ANKRD11: variants seen among roughly 807,000 people sequenced by gnomAD.
ANKRD11 encodes ankyrin repeat domain 11.
A neutral mutation model predicts 195.7 loss-of-function variants in ANKRD11; 17 were observed. The ratio of observed to expected loss-of-function variants is 0.09; its 90% CI spans 0.06 to 0.13. The LOEUF is 0.13. ANKRD11 is among the 10% of genes least tolerant of loss of function. The pLI is 1.00. For synonymous variants in ANKRD11, 1,953 were observed against 1,528.1 expected, an observed-to-expected ratio of 1.28 and a Z score of -6.49; for missense variants, 3,735 against 3,566.1, an observed-to-expected ratio of 1.05 and a Z score of -1.21.
intron 6 of ANKRD11, 48 bp from the exon 7 acceptor site, chr16:89,288,718 C>G: frequency 6.2e-7 from 1 of 1,613,322 alleles, no homozygotes; most frequent in South Asian, 1.1e-5. Context: ...TCAGAACTTC[C>G]CTCCTGTCTC....
chr16:89,384,036 A>G (rs1306995682), intron 2 of ANKRD11, among the ~76,000 whole-genome samples: 1 of 152,180 alleles, frequency 6.6e-6, no homozygotes, highest in Non-Finnish European at 1.5e-5. Context: ...CCTGGCCAAC[A>G]TGGCAAAACC....
chr16:89,421,899 AG>A (rs776711266), intron 1 of ANKRD11, among the ~76,000 whole-genome samples: 3 of 152,190 alleles, frequency 2.0e-5, no homozygotes, highest in Non-Finnish European at 4.4e-5. Flanking sequence ...AACAACAGGG[AG>A]TTGCTTCTAC....
chr16:89,401,003 G>A (rs1052045413), intron 2 of ANKRD11, among the ~76,000 whole-genome samples: 3 of 152,186 alleles, frequency 2.0e-5, no homozygotes, highest in African/African-American at 7.2e-5. Context: ...GACCAAGATG[G>A]AAAGGGAGGC....
chr16:89,345,848 A>C (rs1262847656), intron 2 of ANKRD11, among the ~76,000 whole-genome samples: 3 of 152,154 alleles, frequency 2.0e-5, no homozygotes, highest in African/African-American at 7.2e-5. Context: ...GCATTCCAGG[A>C]GGTAAGGTGA....
At chr16:89,329,785 G>C (rs2037948744) in intron 2 of ANKRD11, among the ~76,000 whole-genome samples, 1 of 152,164 alleles carries the variant, frequency 6.6e-6, no homozygotes, top group African/African-American at 2.4e-5. Flanking sequence ...CAGGCAGGCA[G>C]ATCACTTGAG....
intron 2 of ANKRD11, among the ~76,000 whole-genome samples, chr16:89,354,159 A>G (rs2039355088): frequency 6.6e-6 from 1 of 152,098 alleles, no homozygotes; most frequent in Non-Finnish European, 1.5e-5. Context: ...CAGATGGAGG[A>G]AAGTATACCT....
chr16:89,351,978 G>A lies in ANKRD11; in HGVS notation c.-59-34900C>T, dbSNP rs911268356. Among the ~76,000 whole-genome samples the A allele has an allele frequency of 3.3e-5, 5 of 152,240 alleles. No individual in the cohort carries two copies. The East Asian group carries it at 5.8e-4, about 18-fold the overall frequency. ...CAGGATGGAGTGCAGTGGTGCGATC[G>A]TGGCTCACTGCAATCTCTGCCTCCC... On this transcript the variant is annotated intron_variant, in intron 2 of 12. Coordinates refer to ENST00000301030, the MANE Select transcript of ANKRD11 (RefSeq NM_013275.6).
At chr16:89,414,030 G>C (rs1021250426) in intron 2 of ANKRD11, among the ~76,000 whole-genome samples, 3 of 149,370 alleles carry the variant, frequency 2.0e-5, no homozygotes, top group African/African-American at 7.4e-5. Context: ...CCACGGGCCT[G>C]CACACCCTCC....
Position 89,397,542 on chromosome 16 carries a change from G to A in ANKRD11, c.-60+20742C>T, listed in dbSNP as rs535106406. Among the ~76,000 whole-genome samples, 42 of 152,354 alleles carry A rather than the reference G, an allele frequency of 2.8e-4. No homozygotes were observed. In the South Asian group the frequency reaches 7.0e-3, roughly 26 times the overall value. ...CTGTGCAGTCGTCCCTGACGGGGAA[G>A]GGTTGAGCCCAGCCAAGTGGATCCC... On this transcript the variant is annotated intron_variant, in intron 2 of 12. Transcript: ENST00000301030.
chr16:89,334,201 C>T (rs1268148783), intron 2 of ANKRD11, among the ~76,000 whole-genome samples: 5 of 106,288 alleles, frequency 4.7e-5, no homozygotes, highest in Non-Finnish European at 9.7e-5. Context: ...AAAGAAAAAA[C>T]ACTGTTCCCA....
At chr16:89,364,387 C>T (rs1050389650) in intron 2 of ANKRD11, among the ~76,000 whole-genome samples, 12 of 152,168 alleles carry the variant, frequency 7.9e-5, no homozygotes, top group African/African-American at 2.9e-4. Flanking sequence ...TGTCTTACAC[C>T]GCAATAGGTA....
chr16:89,281,762 T>C lies in ANKRD11; in HGVS notation c.4780A>G (p.Ile1594Val). ...ERMLSQKDLE[I>V]EERHKRHKER... ...TTGTGCCGCTTGTGGCGCTCCTCGATCTCCAGGTCCTTCTGGGACAGCATC... is the reference window on the plus strand; with the variant it reads ...TTGTGCCGCTTGTGGCGCTCCTCGACCTCCAGGTCCTTCTGGGACAGCATC... Residue 1594 changes from isoleucine (I) to valine (V), a missense_variant, in exon 9 of 13, where the codon ATC (isoleucine) becomes GTC (valine). Physicochemically the swap from Ile to Val is conservative, Grantham distance 29. Transcript: ENST00000301030. This position sits in a 1 kb window ranked among gnomAD's most constrained non-coding sequence, Gnocchi z 5.5. The C allele has an allele frequency of 1.2e-6, 2 of 1,614,076 alleles. No homozygotes were observed. The highest frequency in any genetic ancestry group is 1.7e-6 in the Non-Finnish European group (2 of 1,180,020).
chr16:89,307,338 A>C (rs2036345526), intron 3 of ANKRD11, among the ~76,000 whole-genome samples: 1 of 152,174 alleles, frequency 6.6e-6, no homozygotes, highest in South Asian at 2.1e-4. Flanking sequence ...TGCATCCACC[A>C]AACGTGCATC....
chr16:89,461,925 C>G (rs2056683099), intron 1 of ANKRD11, among the ~76,000 whole-genome samples: 1 of 152,166 alleles, frequency 6.6e-6, no homozygotes, highest in South Asian at 2.1e-4. Context: ...TTTTGGAAAC[C>G]TGCAGAGCAT....
At chr16:89,398,654 A>C (rs1017948402) in intron 2 of ANKRD11, among the ~76,000 whole-genome samples, 95 of 152,262 alleles carry the variant, frequency 6.2e-4, no homozygotes, top group African/African-American at 2.2e-3. Flanking sequence ...AGGCAGGAGG[A>C]AGGTTTGAGC....
chr16:89,395,257 G>A (rs1477185158), intron 2 of ANKRD11, among the ~76,000 whole-genome samples: 1 of 152,260 alleles, frequency 6.6e-6, no homozygotes, highest in African/African-American at 2.4e-5. Context: ...CTGAGCCCCA[G>A]GGAAGGGCTG....
intron 1 of ANKRD11, among the ~76,000 whole-genome samples, chr16:89,469,249 T>TA (rs1447145840): frequency 2.0e-5 from 3 of 151,554 alleles, no homozygotes; most frequent in Non-Finnish European, 4.4e-5. Flanking sequence ...TGAGATGGAG[T>TA]CTCACTCTGT....
intron 3 of ANKRD11, among the ~76,000 whole-genome samples, chr16:89,306,223 A>C (rs1314602371): frequency 6.3e-4 from 17 of 27,104 alleles, no homozygotes; most frequent in Non-Finnish European, 7.8e-4. Flanking sequence ...CCTACCTCCC[A>C]CTCCGCAGAC....
intron 11 of ANKRD11, chr16:89,272,226 C>G (rs2033221715): frequency 6.6e-6 from 1 of 152,108 alleles, no homozygotes; most frequent in African/African-American, 2.4e-5. Context: ...TAGCCTTTAT[C>G]CAAAAGACAG....
Sources: allele counts gnomAD v4.1 joint callset (sites outside exome capture counted in the v4.1 genomes callset), GRCh38; gene constraint gnomAD v4.1.1; non-coding constraint Gnocchi (gnomAD v3.1); transcripts MANE v1.5; gene names NCBI Gene and HGNC (gene_info 2026-07-23, HGNC 2026-07-21).